Variants in ARHGEF6 observed in about 807,000 individuals in gnomAD.
The protein encoded by ARHGEF6 is rho guanine nucleotide exchange factor 6.
Under a neutral mutation model 70.3 loss-of-function variants are expected in ARHGEF6, and 9 were observed. The ratio of observed to expected loss-of-function variants is 0.13; its 90% CI spans 0.08 to 0.22. The LOEUF is 0.22. Ranked by LOEUF, ARHGEF6 falls within the 10% of genes least tolerant of loss-of-function variation. The probability of loss-of-function intolerance (pLI) is 1.00; values close to 1 mark genes in which losing one functional copy is unlikely to be tolerated. For missense variants in ARHGEF6, 470 were observed against 563.0 expected, an observed-to-expected ratio of 0.83 and a Z score of 1.67; for synonymous variants, 201 against 207.8, an observed-to-expected ratio of 0.97 and a Z score of 0.28.
intron 2 of ARHGEF6, among the ~76,000 whole-genome samples, chrX:136,762,365 A>G (rs1253268854): frequency 8.9e-6 from 1 of 112,629 alleles, no homozygotes; most frequent in Non-Finnish European, 1.9e-5. Context: ...ATATCCCAGA[A>G]CACTGATCTA....
At chrX:136,749,729 CAA>C (rs2077131933) in intron 2 of ARHGEF6, among the ~76,000 whole-genome samples, 1 of 111,582 alleles carries the variant, frequency 9.0e-6, no homozygotes, top group African/African-American at 3.3e-5. Flanking sequence ...CCAATATACT[CAA>C]GTTTATCCAT....
rs192160100 is a variant in ARHGEF6 at position 136,751,716 on chromosome X, T to C, written c.250-4124A>G. On this transcript the variant is annotated intron_variant, in intron 2 of 21. Coordinates refer to ENST00000250617, the MANE Select transcript of ARHGEF6 (RefSeq NM_004840.3). Reference sequence around the variant, plus strand: ...GGACATAGAGAGAAGGTACTATCTATGAATAGGGAAGTAGGCCCTCACCAG... The same window carrying C: ...GGACATAGAGAGAAGGTACTATCTACGAATAGGGAAGTAGGCCCTCACCAG... Among the ~76,000 whole-genome samples, 7 of 111,315 alleles carry C rather than the reference T, an allele frequency of 6.3e-5. No homozygotes were observed. In the East Asian group the frequency reaches 1.7e-3, roughly 27 times the overall value.
intron 9 of ARHGEF6, among the ~76,000 whole-genome samples, chrX:136,694,817 G>C (rs750263331): frequency 1.8e-5 from 2 of 112,000 alleles, no homozygotes; most frequent in African/African-American, 6.5e-5. Context: ...AAAGACTAGA[G>C]CGGCCATTCA....
At chrX:136,729,075 C>T (rs1186446742) in intron 6 of ARHGEF6, among the ~76,000 whole-genome samples, 1 of 91,520 alleles carries the variant, frequency 1.1e-5, no homozygotes, top group Non-Finnish European at 2.1e-5. Flanking sequence ...GCCCCCCACC[C>T]CCCACATTGG....
chrX:136,764,714 T>G (rs904671455), intron 2 of ARHGEF6, among the ~76,000 whole-genome samples: 1 of 111,672 alleles, frequency 9.0e-6, no homozygotes, highest in Admixed American at 9.5e-5. Flanking sequence ...GGGTGCAGAC[T>G]GTATGAGTGT....
At chrX:136,780,277 A>G (rs1277603870) in intron 1 of ARHGEF6, among the ~76,000 whole-genome samples, 1 of 111,761 alleles carries the variant, frequency 8.9e-6, no homozygotes, top group Non-Finnish European at 1.9e-5. Context: ...TCTCTCCTTC[A>G]ATGGATTTTT....
rs146386727 is a variant in ARHGEF6, at chrX:136,721,417, G to T, written c.733-8047C>A. Among the ~76,000 whole-genome samples the T allele has an allele frequency of 2.2e-3, 244 of 110,728 alleles. 1 individual carries two copies. Among genetic ancestry groups the T allele is most frequent in the African/African-American group, 7.7e-3 (234 of 30,439 alleles). On this transcript the variant is annotated intron_variant, in intron 6 of 21. Transcript: ENST00000250617. ...GTCTCTACAAAAAACTAAAAAATTA[G>T]CCAGGTGTGGTGGTGCACCCCTGTA...
intron 11 of ARHGEF6, among the ~76,000 whole-genome samples, chrX:136,686,697 CAT>C (rs768836827): frequency 0.028 from 1,221 of 42,914 alleles, 27 homozygotes; most frequent in African/African-American, 0.071. Context: ...TATATATACA[CAT>C]ATATATATAC....
chrX:136,739,700 C>A (rs771227742), intron 5 of ARHGEF6, among the ~76,000 whole-genome samples: 14 of 111,667 alleles, frequency 1.3e-4, no homozygotes, highest in Admixed American at 6.6e-4. Context: ...AAATTTTCTC[C>A]TGGGTGACCA....
chrX:136,727,330 T>C (rs1308118786), intron 6 of ARHGEF6, among the ~76,000 whole-genome samples: 1 of 22,791 alleles, frequency 4.4e-5, no homozygotes, highest in Non-Finnish European at 1.1e-4. Context: ...TTTCTTTTTC[T>C]TTCTTTCTTT....
intron 3 of ARHGEF6, among the ~76,000 whole-genome samples, chrX:136,745,876 T>C (rs1339682797): frequency 8.9e-6 from 1 of 111,734 alleles, no homozygotes; most frequent in Non-Finnish European, 1.9e-5. Flanking sequence ...AGATGTAATC[T>C]TGATACTAGA....
chrX:136,766,247 G>A (rs967279330), intron 2 of ARHGEF6, among the ~76,000 whole-genome samples: 32 of 111,577 alleles, frequency 2.9e-4, no homozygotes, highest in African/African-American at 1.0e-3. Flanking sequence ...TCAAAATTAA[G>A]ATAGGAAGTC....
chrX:136,701,242 A>G (rs1437174546), intron 9 of ARHGEF6, among the ~76,000 whole-genome samples: 1 of 111,777 alleles, frequency 8.9e-6, no homozygotes, highest in African/African-American at 3.3e-5. Flanking sequence ...AAAATTATTG[A>G]CAGACCCCAA....
rs868026142 is a variant in ARHGEF6 at position 136,686,630 on chromosome X, A to G, written c.1246-807T>C. 2.4e-3 allele frequency among the ~76,000 whole-genome samples: 183 copies of G among 75,378 alleles called. 1 individual carries two copies. The highest frequency in any genetic ancestry group is 3.6e-3 in the Non-Finnish European group (161 of 44,951). The allele number at this position is 75,378 out of a possible 115,157, so 65.5% of individuals were successfully genotyped here. A position where few individuals can be genotyped will look rare whatever the true frequency, so the allele number is the denominator to read the frequency against. On this transcript the variant is annotated intron_variant, in intron 11 of 21. Transcript: ENST00000250617. ...TATATATATATATATATACACATAT[A>G]TATATATATATACACACATATATAT...
At chrX:136,736,468 T>C (rs1388819600) in intron 5 of ARHGEF6, among the ~76,000 whole-genome samples, 3 of 111,531 alleles carry the variant, frequency 2.7e-5, no homozygotes, top group Non-Finnish European at 3.8e-5. Context: ...TCTCATGTAA[T>C]AGGAAATCCA....
chrX:136,683,748 T>C (rs1180181255), intron 12 of ARHGEF6, among the ~76,000 whole-genome samples: 3 of 111,578 alleles, frequency 2.7e-5, no homozygotes, highest in Non-Finnish European at 5.7e-5. Flanking sequence ...GCTACAATTA[T>C]CCTTATGCCT....
intron 6 of ARHGEF6, among the ~76,000 whole-genome samples, chrX:136,715,017 G>A (rs910418383): frequency 1.8e-5 from 2 of 111,983 alleles, no homozygotes; most frequent in African/African-American, 6.5e-5. Flanking sequence ...ATTGCCAAAT[G>A]TCACCTGAAA....
intron 2 of ARHGEF6, among the ~76,000 whole-genome samples, chrX:136,776,890 A>G (rs865847633): frequency 5.0e-4 from 54 of 108,502 alleles, no homozygotes; most frequent in African/African-American, 1.8e-3. Context: ...TAAATAAATA[A>G]ATAAATAAAT....
In ARHGEF6 at chrX:136,727,325, T is replaced by TTCTTTTTCTTTCTTTC. The variant is rs1556284733; in HGVS notation, c.732+4776_732+4777insGAAAGAAAGAAAAAGA. On this transcript the variant is annotated intron_variant, in intron 6 of 21. Transcript: ENST00000250617. The stretch of plus-strand genomic sequence containing the variant: ...CTGTAGTCTTTCTTTCTTTCTTTCT[T>TTCTTTTTCTTTCTTTC]TTTCTTTCTTTCTTTCTTTCTTTCT... 3.2e-3 allele frequency among the ~76,000 whole-genome samples: 195 copies of TTCTTTTTCTTTCTTTC among 61,059 alleles called. 1 individual carries two copies. Among genetic ancestry groups the TTCTTTTTCTTTCTTTC allele is most frequent in the South Asian group, 5.4e-3 (5 of 925 alleles). 53.0% of individuals were successfully genotyped at this position (61,059 alleles called of 115,157 possible). A position where few individuals can be genotyped will look rare whatever the true frequency, so the allele number is the denominator to read the frequency against.
Sources: gnomAD v4.1 joint callset for allele counts (sites outside exome capture counted in the v4.1 genomes callset) on GRCh38, gnomAD v4.1.1 for gene constraint, MANE v1.5 for transcripts, NCBI Gene and HGNC (gene_info 2026-07-23, HGNC 2026-07-21) for gene names.